The following CYP27A1 variants were observed in gnomAD, a reference collection of about 807,000 sequenced individuals.
The protein encoded by CYP27A1 is cytochrome P450 family 27 subfamily A member 1, also known as sterol 26-hydroxylase, mitochondrial.
Under a neutral mutation model 58.2 loss-of-function variants are expected in CYP27A1, and 46 were observed. That is an observed-to-expected ratio of 0.79 (90% CI 0.62 to 1.01). CYP27A1 has a LOEUF of 1.01. Ranked by LOEUF, CYP27A1 falls within the 50% of genes least tolerant of loss-of-function variation. The pLI is 0.00. For synonymous variants in CYP27A1, 274 were observed against 285.1 expected (o/e 0.96, Z 0.39); for missense variants, 704 against 687.0 (o/e 1.02, Z -0.28).
At chr2:218,805,526 T>C (rs1943642560) in intron 1 of CYP27A1, among the ~76,000 whole-genome samples, 1 of 152,216 alleles carries the variant, frequency 6.6e-6, no homozygotes. Flanking sequence ...TGTAATCAAA[T>C]TCTCAACTGT....
At position 218,814,948 on chromosome 2, in the gene CYP27A1, C is replaced by A. The variant is rs76822427; in HGVS notation, c.1514C>A (p.Thr505Lys). The A allele has an allele frequency of 1.3e-5, 21 of 1,614,224 alleles. No homozygotes were observed. Among genetic ancestry groups the A allele is most frequent in the African/African-American group, 5.3e-5 (4 of 75,072 alleles). The change falls in exon 9 of 9, where the codon ACG (threonine) becomes AAG (lysine). Residue 505 changes from threonine (T) to lysine (K), a missense_variant. Coordinates refer to ENST00000258415, the MANE Select transcript of CYP27A1 (RefSeq NM_000784.4). Reference protein sequence around the residue: ...QKYKVVLAPETGELKSVARIV... With the variant: ...QKYKVVLAPEKGELKSVARIV... ...TACAAGGTGGTCCTGGCCCCGGAGA[C>A]GGGGGAGTTGAAGAGTGTGGCCCGC...
chr2:218,812,914 G>A lies in CYP27A1; in HGVS notation c.845-10G>A, dbSNP rs1472606093. 2 of 1,614,038 alleles carry A rather than the reference G, an allele frequency of 1.2e-6. No individual in the cohort carries two copies. Among genetic ancestry groups the A allele is most frequent in the Non-Finnish European group, 1.7e-6 (2 of 1,180,008 alleles). ...GCTTTGTCCTTTCCTCTTCTCTGTT[G>A]CTTTCACAGGGAAGAAGCTGATTGA... On this transcript the variant is annotated splice_polypyrimidine_tract_variant and intron_variant, in intron 4 of 8. Coordinates refer to ENST00000258415, the MANE Select transcript of CYP27A1 (RefSeq NM_000784.4).
At chr2:218,791,720 T>G (rs1019206047) in intron 1 of CYP27A1, among the ~76,000 whole-genome samples, 2 of 152,180 alleles carry the variant, frequency 1.3e-5, no homozygotes, top group African/African-American at 2.4e-5. Flanking sequence ...GGATGGCAAG[T>G]GCAGTCTTTC....
chr2:218,815,131 G>A lies in CYP27A1; in HGVS notation c.*101G>A. ...CTCAGATGAGGAGGGAGAGAAGGAGGCCGCCAGACTCGAGAGGTGGGAGGA... is the reference window on the plus strand; with the variant it reads ...CTCAGATGAGGAGGGAGAGAAGGAGACCGCCAGACTCGAGAGGTGGGAGGA... On this transcript the variant is annotated 3_prime_UTR_variant, in exon 9 of 9. Coordinates refer to ENST00000258415, the MANE Select transcript of CYP27A1 (RefSeq NM_000784.4). 6.8e-7 allele frequency: 1 copy of A among 1,463,756 alleles called. No individual in the cohort carries two copies. The highest frequency in any genetic ancestry group is 9.5e-7 in the Non-Finnish European group (1 of 1,054,066). 90.7% of individuals were successfully genotyped at this position (1,463,756 alleles called of 1,614,324 possible). A position where few individuals can be genotyped will look rare whatever the true frequency, so the allele number is the denominator to read the frequency against.
At chr2:218,792,969 G>A (rs2105972765) in intron 1 of CYP27A1, among the ~76,000 whole-genome samples, 1 of 152,306 alleles carries the variant, frequency 6.6e-6, no homozygotes, top group East Asian at 1.9e-4. Flanking sequence ...TGGGAAGCCT[G>A]ACAAATATGT....
chr2:218,801,995 T>TTTTAA (rs397688567), intron 1 of CYP27A1, among the ~76,000 whole-genome samples: 5 of 149,136 alleles, frequency 3.4e-5, no homozygotes, highest in African/African-American at 1.3e-4. Context: ...TTTTTTTTTT[T>TTTTAA]AATTCCTATT....
rs57956133 is a variant in CYP27A1 at position 218,809,442 on chromosome 2, C to CTTTTTTTT, written c.256-120_256-113dup. 169 of 370,578 alleles carry CTTTTTTTT rather than the reference C, an allele frequency of 4.6e-4. 25 individuals are homozygous for CTTTTTTTT. Among genetic ancestry groups the CTTTTTTTT allele is most frequent in the African/African-American group, 4.3e-3 (130 of 30,002 alleles). The allele number at this position is 370,578 out of a possible 1,614,324, so 23.0% of individuals were successfully genotyped here. ...TGGTGCCTACATCATACACAATGCC[C>CTTTTTTTT]TTTTTTTTTTTTTTTTTTTTTTGCC... On this transcript the variant is annotated intron_variant, in intron 1 of 8. Transcript: ENST00000258415.
At chr2:218,799,879 C>T (rs936478279) in intron 1 of CYP27A1, among the ~76,000 whole-genome samples, 3 of 151,992 alleles carry the variant, frequency 2.0e-5, no homozygotes, top group Admixed American at 6.5e-5. Flanking sequence ...TGAACAGGTT[C>T]GACAACTGTG....
chr2:218,809,494 C>T (rs1488811485), intron 1 of CYP27A1, 83 bp from the exon 2 acceptor site: 4 of 582,024 alleles, frequency 6.9e-6, no homozygotes, highest in Admixed American at 4.3e-5. Flanking sequence ...GTGTAGCCAT[C>T]AGACCCTTCC....
intron 1 of CYP27A1, among the ~76,000 whole-genome samples, chr2:218,803,027 C>T (rs1331479142): frequency 6.6e-6 from 1 of 152,190 alleles, no homozygotes; most frequent in Non-Finnish European, 1.5e-5. Context: ...TCACCGCAAC[C>T]TCTGCCTCTT....
At chr2:218,797,353 G>A (rs1483903995) in intron 1 of CYP27A1, among the ~76,000 whole-genome samples, 2 of 152,098 alleles carry the variant, frequency 1.3e-5, no homozygotes, top group African/African-American at 2.4e-5. Context: ...CACCTACCTT[G>A]CCTCCCAAAG....
At chr2:218,812,183 A>G in intron 2 of CYP27A1, 39 bp from the exon 3 acceptor site, 1 of 1,542,122 alleles carries the variant, frequency 6.5e-7, no homozygotes, top group Non-Finnish European at 9.0e-7. Context: ...GAACCCCCAT[A>G]GAGGCTTATC....
At chr2:218,803,004 G>A (rs1575202732) in intron 1 of CYP27A1, among the ~76,000 whole-genome samples, 2 of 152,188 alleles carry the variant, frequency 1.3e-5, no homozygotes, top group African/African-American at 4.8e-5. Context: ...GAGTGCAGTG[G>A]TTTGATCTCG....
chr2:218,800,701 C>A (rs1236490879), intron 1 of CYP27A1, among the ~76,000 whole-genome samples: 1 of 152,132 alleles, frequency 6.6e-6, no homozygotes, highest in Non-Finnish European at 1.5e-5. Flanking sequence ...AGCACAATGC[C>A]TTATACCCAT....
chr2:218,812,211 C>T lies in CYP27A1; in HGVS notation c.447-11C>T, dbSNP rs746577389. On this transcript the variant is annotated splice_polypyrimidine_tract_variant and intron_variant, in intron 2 of 8. Transcript: ENST00000258415. Reference sequence around the variant, plus strand: ...GGCTTATCTTTGTGCTGTTCCTCTGCGTCCCTGCAGGGAAGGACACCACTG... The same window carrying T: ...GGCTTATCTTTGTGCTGTTCCTCTGTGTCCCTGCAGGGAAGGACACCACTG... 25 of 1,610,676 alleles carry T rather than the reference C, an allele frequency of 1.6e-5. No individual in the cohort carries two copies. Among genetic ancestry groups the T allele is most frequent in the South Asian group, 7.7e-5 (7 of 91,014 alleles).
At chr2:218,812,867 T>G (rs1337044792) in intron 4 of CYP27A1, 57 bp from the exon 5 acceptor site, 59 of 1,612,386 alleles carry the variant, frequency 3.7e-5, no homozygotes, top group Non-Finnish European at 4.8e-5. Context: ...TGGCTCTTGG[T>G]CCTTGGAGAT....
chr2:218,798,214 A>G (rs906770665), intron 1 of CYP27A1, among the ~76,000 whole-genome samples: 1 of 152,210 alleles, frequency 6.6e-6, no homozygotes, highest in Non-Finnish European at 1.5e-5. Flanking sequence ...CATGTTGGCC[A>G]GGCTAGTCTC....
At chr2:218,804,761 TA>T (rs1475888260) in intron 1 of CYP27A1, among the ~76,000 whole-genome samples, 1 of 152,238 alleles carries the variant, frequency 6.6e-6, no homozygotes, top group Non-Finnish European at 1.5e-5. Context: ...CCTCCTTGGT[TA>T]AAAGTATTCC....
Position 218,782,284 on chromosome 2 carries a change from C to T in CYP27A1, c.102C>T (p.Ala34=), listed in dbSNP as rs773208703. Reference sequence around the variant, plus strand: ...GAGCCAAGGCCGCGATCCCTGCCGCCCTCCCCTCGGACAAGGCCACCGGAG... The same window carrying T: ...GAGCCAAGGCCGCGATCCCTGCCGCTCTCCCCTCGGACAAGGCCACCGGAG... The part of the protein sequence containing the change: ...GARAKAAIPA[A]LPSDKATGAP... Residue 34 remains alanine, a synonymous_variant, in exon 1 of 9, where the codon GCC becomes GCT. Coordinates refer to ENST00000258415, the MANE Select transcript of CYP27A1 (RefSeq NM_000784.4). The surrounding 1 kb of genome is among the most constrained non-coding windows in gnomAD (Gnocchi z 4.1). The T allele has an allele frequency of 2.9e-5, 46 of 1,591,242 alleles. 1 individual carries two copies. The South Asian group carries it at 4.9e-4, about 17-fold the overall frequency.
Sources: allele counts gnomAD v4.1 joint callset (sites outside exome capture counted in the v4.1 genomes callset), GRCh38; gene constraint gnomAD v4.1.1; non-coding constraint Gnocchi (gnomAD v3.1); transcripts MANE v1.5; gene names NCBI Gene and HGNC (gene_info 2026-07-23, HGNC 2026-07-21).